The following HECW1 variants were observed in gnomAD, a reference collection of about 807,000 sequenced individuals.
HECW1 encodes E3 ubiquitin-protein ligase HECW1.
Under a neutral mutation model 182.3 loss-of-function variants are expected in HECW1, and 61 were observed. The ratio of observed to expected loss-of-function variants is 0.33; its 90% CI spans 0.27 to 0.41. The LOEUF (loss-of-function observed/expected upper bound fraction) is 0.41, where lower values mean the gene tolerates loss of function less well. HECW1 is among the 10% of genes least tolerant of loss of function. The pLI is 1.00. For synonymous variants in HECW1, 859 were observed against 832.6 expected (o/e 1.03, Z -0.55); for missense variants, 1,739 against 2,108.9 (o/e 0.82, Z 3.44).
At chr7:43,313,268 A>C (rs140623196) in intron 4 of HECW1, among the ~76,000 whole-genome samples, 52 of 152,358 alleles carry the variant, frequency 3.4e-4, no homozygotes, top group Admixed American at 1.6e-3. Flanking sequence ...TTTCTGAAAA[A>C]AAATTGTTCT....
At chr7:43,228,292 C>A (rs968332129) in intron 2 of HECW1, among the ~76,000 whole-genome samples, 1 of 151,962 alleles carries the variant, frequency 6.6e-6, no homozygotes, top group South Asian at 2.1e-4. Context: ...TCAAGACCAG[C>A]CTGGGCAACA....
intron 2 of HECW1, chr7:43,207,709 A>G (rs147621008): frequency 1.3e-5 from 2 of 152,280 alleles, no homozygotes; most frequent in East Asian, 1.9e-4. Flanking sequence ...GTTTCCAGGT[A>G]TGAATGAGAA....
intron 16 of HECW1, among the ~76,000 whole-genome samples, chr7:43,473,688 G>C (rs772482822): frequency 3.9e-5 from 6 of 152,006 alleles, no homozygotes; most frequent in African/African-American, 7.2e-5. Context: ...AGTTATGCTA[G>C]TTGGGCTCAA....
chr7:43,260,931 T>C (rs78650516), intron 3 of HECW1, among the ~76,000 whole-genome samples: 2 of 152,248 alleles, frequency 1.3e-5, no homozygotes, highest in African/African-American at 2.4e-5. Context: ...CTAAGAAAGT[T>C]TGCAAACATT....
At chr7:43,182,733 A>C (rs1792989394) in intron 2 of HECW1, among the ~76,000 whole-genome samples, 1 of 152,000 alleles carries the variant, frequency 6.6e-6, no homozygotes, top group Non-Finnish European at 1.5e-5. Flanking sequence ...AGGGTATTCA[A>C]TCTGTAGATC....
intron 3 of HECW1, among the ~76,000 whole-genome samples, chr7:43,309,294 G>T (rs1348084977): frequency 6.6e-6 from 1 of 152,154 alleles, no homozygotes. Context: ...CAAAGACAGG[G>T]TGGTGGGAGA....
intron 5 of HECW1, among the ~76,000 whole-genome samples, chr7:43,321,101 G>A (rs1810060221): frequency 6.6e-6 from 1 of 152,058 alleles, no homozygotes; most frequent in Non-Finnish European, 1.5e-5. Flanking sequence ...TTCTCAACAG[G>A]CATCCTACCC....
intron 24 of HECW1, among the ~76,000 whole-genome samples, chr7:43,520,290 A>G (rs1426971091): frequency 2.0e-5 from 3 of 152,036 alleles, no homozygotes; most frequent in East Asian, 1.9e-4. Flanking sequence ...CCCTTTACTC[A>G]GCACAGACCT....
intron 3 of HECW1, chr7:43,248,593 A>G (rs976694755): frequency 1.3e-5 from 2 of 152,478 alleles, no homozygotes; most frequent in African/African-American, 4.8e-5. Context: ...CCTGACACCA[A>G]CAGAAAATCA....
intron 2 of HECW1, among the ~76,000 whole-genome samples, chr7:43,210,111 A>G (rs1410531107): frequency 6.6e-6 from 1 of 152,180 alleles, no homozygotes; most frequent in African/African-American, 2.4e-5. Context: ...ACCCAGCCGT[A>G]TGTGGGGTGT....
chr7:43,490,759 TG>T (rs1288634493), intron 17 of HECW1, among the ~76,000 whole-genome samples: 5 of 152,168 alleles, frequency 3.3e-5, no homozygotes, highest in Admixed American at 2.0e-4. Context: ...TTTTTTGTTT[TG>T]TTTTGTTTTG....
intron 2 of HECW1, among the ~76,000 whole-genome samples, chr7:43,214,673 A>G (rs570004255): frequency 6.6e-6 from 1 of 152,322 alleles, no homozygotes; most frequent in East Asian, 1.9e-4. Flanking sequence ...AGCATTTCAT[A>G]AAAGGACTGT....
chr7:43,222,445 T>G (rs1562695696), intron 2 of HECW1, among the ~76,000 whole-genome samples: 1 of 152,202 alleles, frequency 6.6e-6, no homozygotes, highest in East Asian at 1.9e-4. Context: ...TTTGGGGCCT[T>G]TCTAATCTAG....
chr7:43,333,416 G>C (rs1226924813), intron 5 of HECW1, among the ~76,000 whole-genome samples: 1 of 152,084 alleles, frequency 6.6e-6, no homozygotes, highest in Middle Eastern at 3.2e-3. Context: ...CCCCTGTTTT[G>C]GTGCATTTGT....
chr7:43,200,486 T>A (rs919816236), intron 2 of HECW1, among the ~76,000 whole-genome samples: 1 of 152,214 alleles, frequency 6.6e-6, no homozygotes, highest in Non-Finnish European at 1.5e-5. Context: ...AGATTTCTTC[T>A]CTGTTGGGTA....
At chr7:43,207,760 TA>T (rs1334057445) in intron 2 of HECW1, 1 of 152,202 alleles carries the variant, frequency 6.6e-6, no homozygotes, top group Admixed American at 6.5e-5. Context: ...TATTGTACTT[TA>T]AAAAACATGG....
chr7:43,215,247 G>A (rs1403136632), intron 2 of HECW1, among the ~76,000 whole-genome samples: 22 of 152,238 alleles, frequency 1.4e-4, no homozygotes, highest in Admixed American at 1.1e-3. Context: ...TGCTGTGCCC[G>A]CATTAACCCT....
chr7:43,510,656 A>T (rs1234038104), intron 24 of HECW1, among the ~76,000 whole-genome samples: 1 of 152,232 alleles, frequency 6.6e-6, no homozygotes, highest in Non-Finnish European at 1.5e-5. Context: ...ATTGTATTCA[A>T]TCACAAGGGA....
intron 6 of HECW1, among the ~76,000 whole-genome samples, chr7:43,369,386 A>T (rs1817038246): frequency 6.6e-6 from 1 of 152,164 alleles, no homozygotes; most frequent in African/African-American, 2.4e-5. Context: ...TGAACTCGGG[A>T]GGCGGAGGTT....
Sources: allele counts gnomAD v4.1 joint callset (sites outside exome capture counted in the v4.1 genomes callset), GRCh38; gene constraint gnomAD v4.1.1; transcripts MANE v1.5; gene names NCBI Gene and HGNC (gene_info 2026-07-23, HGNC 2026-07-21).